The following CYP4F22 variants were observed in gnomAD, a reference collection of about 807,000 sequenced individuals.
The protein encoded by CYP4F22 is cytochrome P450 family 4 subfamily F member 22, also known as ultra-long-chain fatty acid omega-hydroxylase.
In CYP4F22, 37 loss-of-function variants were observed where a neutral mutation model predicts 60.4. The ratio of observed to expected loss-of-function variants is 0.61; its 90% confidence interval spans 0.47 to 0.81. CYP4F22 has a LOEUF of 0.81. Ranked by LOEUF, CYP4F22 falls within the 30% of genes least tolerant of loss-of-function variation. The pLI is 0.00. For synonymous variants in CYP4F22, 258 were observed against 280.5 expected (o/e 0.92, Z 0.80); for missense variants, 655 against 715.0 (o/e 0.92, Z 0.96).
chr19:15,520,853 C>T (rs1204475961), intron 1 of CYP4F22, among the ~76,000 whole-genome samples: 3 of 152,004 alleles, frequency 2.0e-5, no homozygotes, highest in African/African-American at 4.8e-5. Flanking sequence ...CTGCAACCTC[C>T]GCCTCCTGGG....
Position 15,550,616 on chromosome 19 carries a change from G to T in CYP4F22, c.1336-58G>T, listed in dbSNP as rs1436230169. 4 of 1,577,104 alleles carry T rather than the reference G, an allele frequency of 2.5e-6. No individual in the cohort carries two copies. The African/African-American group carries it at 5.4e-5, about 21-fold the overall frequency. ...GACCCCCAGAGGCTCAGGGAAGGGGGCCAGGCTGGGATGTCTGGGGCAGCC... is the reference window on the plus strand; with the variant it reads ...GACCCCCAGAGGCTCAGGGAAGGGGTCCAGGCTGGGATGTCTGGGGCAGCC... On this transcript the variant is annotated intron_variant, in intron 12 of 13. Coordinates refer to ENST00000269703, the MANE Select transcript of CYP4F22 (RefSeq NM_173483.4).
At chr19:15,540,806 T>G in intron 8 of CYP4F22, 89 bp downstream of exon 8, 1 of 1,527,906 alleles carries the variant, frequency 6.5e-7, no homozygotes. Context: ...AAAACTCCAT[T>G]AGGCGTGGTG....
intron 1 of CYP4F22, among the ~76,000 whole-genome samples, chr19:15,522,586 G>A (rs2144508863): frequency 6.6e-6 from 1 of 152,288 alleles, no homozygotes; most frequent in Admixed American, 6.5e-5. Context: ...TGAGGTGGGA[G>A]GATTGCTTCA....
intron 8 of CYP4F22, among the ~76,000 whole-genome samples, chr19:15,541,865 C>CA (rs1052977392): frequency 0.18 from 18,098 of 99,000 alleles, 1,408 homozygotes; most frequent in East Asian, 0.3. Flanking sequence ...AACTCCGTCT[C>CA]AAAAAAAAAA....
intron 7 of CYP4F22, 69 bp downstream of exon 7, chr19:15,538,062 G>C: frequency 6.2e-7 from 1 of 1,604,436 alleles, no homozygotes; most frequent in Non-Finnish European, 8.5e-7. Context: ...AGGAGAAAGG[G>C]AACTCCCAGG....
chr19:15,520,795 G>A (rs1261372586), intron 1 of CYP4F22, among the ~76,000 whole-genome samples: 1 of 139,154 alleles, frequency 7.2e-6, no homozygotes, highest in Non-Finnish European at 1.5e-5. Flanking sequence ...TTGAGACAGA[G>A]TCTCGCTCTG....
At chr19:15,509,366 A>G (rs1971056613) in intron 1 of CYP4F22, among the ~76,000 whole-genome samples, 1 of 152,100 alleles carries the variant, frequency 6.6e-6, no homozygotes, top group Admixed American at 6.5e-5. Context: ...CAGCTCATTC[A>G]TGCACTCATT....
At chr19:15,527,149 C>T (rs895472660) in intron 3 of CYP4F22, among the ~76,000 whole-genome samples, 4 of 152,104 alleles carry the variant, frequency 2.6e-5, no homozygotes, top group Non-Finnish European at 5.9e-5. Flanking sequence ...GTCCATGGTC[C>T]AGCCCCCTCC....
At chr19:15,524,813 A>T (rs1167748633) in intron 2 of CYP4F22, among the ~76,000 whole-genome samples, 1 of 152,190 alleles carries the variant, frequency 6.6e-6, no homozygotes, top group African/African-American at 2.4e-5. Context: ...ATTTTGTGTT[A>T]TGCGAATCTC....
In CYP4F22 at chr19:15,540,664, A is replaced by G. The variant is rs768181440; in HGVS notation, c.886A>G (p.Lys296Glu). The G allele has an allele frequency of 1.9e-6, 3 of 1,613,784 alleles. No individual in the cohort carries two copies. The East Asian group carries it at 6.7e-5, about 36-fold the overall frequency. The change falls in exon 8 of 14, where the codon AAG becomes GAG. Residue 296 changes from lysine to glutamate, a missense_variant. Lys to Glu is a moderately conservative substitution (Grantham distance 56). Around this residue, in one of 3 missense-constraint regions of CYP4F22, gnomAD observed 430 missense variants for 457.1 expected, o/e 0.94. Coordinates refer to ENST00000269703, the MANE Select transcript of CYP4F22 (RefSeq NM_173483.4). Reference sequence around the variant, plus strand: ...TCAGCAGGGGGCCGAGGCCTGGCTTAAGGCCAAGCAGGGGAAGACCTTGGA... The same window carrying G: ...TCAGCAGGGGGCCGAGGCCTGGCTTGAGGCCAAGCAGGGGAAGACCTTGGA... ...LRQQGAEAWLKAKQGKTLDFI... is the reference protein window; with the variant it reads ...LRQQGAEAWLEAKQGKTLDFI...
intron 4 of CYP4F22, among the ~76,000 whole-genome samples, chr19:15,537,068 G>A (rs1174551578): frequency 3.9e-5 from 6 of 152,180 alleles, no homozygotes; most frequent in East Asian, 1.9e-4. Flanking sequence ...GGAGGCTGAG[G>A]TGGGTGGATC....
At position 15,551,562 on chromosome 19, in the gene CYP4F22, C is replaced by T. The variant is rs1971597801; in HGVS notation, c.*91C>T. ...CAAAGATCCCGAGGGCATAGGCCAC[C>T]CCCCTCGAAGTTCAGGTTCAGCTCC... On this transcript the variant is annotated 3_prime_UTR_variant, in exon 14 of 14. Transcript: ENST00000269703. 4 of 1,443,374 alleles carry T rather than the reference C, an allele frequency of 2.8e-6. No individual in the cohort carries two copies. Among genetic ancestry groups the T allele is most frequent in the Non-Finnish European group, 3.7e-6 (4 of 1,074,466 alleles). The allele number at this position is 1,443,374 out of a possible 1,614,324, so 89.4% of individuals were successfully genotyped here. A position where few individuals can be genotyped will look rare whatever the true frequency, so the allele number is the denominator to read the frequency against.
intron 1 of CYP4F22, among the ~76,000 whole-genome samples, chr19:15,511,077 T>C (rs1447396307): frequency 6.7e-6 from 1 of 149,204 alleles, no homozygotes; most frequent in Non-Finnish European, 1.5e-5. Context: ...AGCTGTTCTC[T>C]TGCCTCAGCC....
At chr19:15,540,225 G>A (rs1298675938) in intron 7 of CYP4F22, among the ~76,000 whole-genome samples, 6 of 152,156 alleles carry the variant, frequency 3.9e-5, no homozygotes, top group African/African-American at 1.4e-4. Context: ...TTGAGCTCAC[G>A]AGTTCAAGGC....
rs374714583 is a variant in CYP4F22, at chr19:15,529,761, T to G, written c.275T>G (p.Met92Arg). Residue 92 changes from methionine (M) to arginine (R), a missense_variant, in exon 4 of 14, where the codon ATG becomes AGG. This residue lies in a region of CYP4F22 where 430 missense variants were observed against 457.1 expected (regional missense o/e 0.94). Transcript: ENST00000269703. ...GATGAGAAGAAGGTACTGGACAACA[T>G]GCACCATGTACTCTTGGTATGGATG... ...LQDEKKVLDN[M>R]HHVLLVWMGP... The G allele has an allele frequency of 6.2e-7, 1 of 1,614,010 alleles. No individual in the cohort carries two copies. The highest frequency in any genetic ancestry group is 8.5e-7 in the Non-Finnish European group (1 of 1,180,030).
intron 12 of CYP4F22, among the ~76,000 whole-genome samples, chr19:15,550,394 T>G (rs926371523): frequency 2.6e-5 from 4 of 151,962 alleles, no homozygotes; most frequent in African/African-American, 9.7e-5. Flanking sequence ...CGAGGAGATG[T>G]TTGAGCTGAG....
chr19:15,519,182 G>C (rs539043532), intron 1 of CYP4F22, among the ~76,000 whole-genome samples: 19 of 152,226 alleles, frequency 1.2e-4, no homozygotes, highest in African/African-American at 2.6e-4. Flanking sequence ...CAGAGGAAAG[G>C]GGGGACAACG....
At chr19:15,514,265 T>C (rs1448093589) in intron 1 of CYP4F22, among the ~76,000 whole-genome samples, 2 of 152,174 alleles carry the variant, frequency 1.3e-5, no homozygotes, top group Non-Finnish European at 2.9e-5. Context: ...GTCAATGAAA[T>C]AAAAATGTCT....
At chr19:15,525,962 G>A (rs1481395266) in intron 3 of CYP4F22, among the ~76,000 whole-genome samples, 1 of 151,996 alleles carries the variant, frequency 6.6e-6, no homozygotes. Flanking sequence ...AGGAGTTCGA[G>A]ACCAGCCTGG....
Sources: gnomAD v4.1 joint callset for allele counts (sites outside exome capture counted in the v4.1 genomes callset) on GRCh38, gnomAD v4.1.1 for gene constraint, gnomAD v4.1.1 regional missense constraint, MANE v1.5 for transcripts, NCBI Gene and HGNC (gene_info 2026-07-23, HGNC 2026-07-21) for gene names.